Variants in PLCG2 observed in about 807,000 individuals in gnomAD.
PLCG2 encodes phospholipase C gamma 2.
A neutral mutation model predicts 175.6 loss-of-function variants in PLCG2; 69 were observed. The observed-to-expected ratio is 0.39, with a 90% CI of 0.32 to 0.48. The LOEUF is 0.48. PLCG2 is among the 20% of genes least tolerant of loss of function. The pLI, the probability that PLCG2 is intolerant of heterozygous loss-of-function variation, is 0.91. For synonymous variants in PLCG2, 827 were observed against 624.0 expected, an observed-to-expected ratio of 1.33 and a Z score of -4.85; for missense variants, 1,798 against 1,650.9, an observed-to-expected ratio of 1.09 and a Z score of -1.54.
intron 30 of PLCG2, among the ~76,000 whole-genome samples, chr16:81,942,173 C>T (rs988843996): frequency 7.2e-5 from 11 of 152,200 alleles, no homozygotes; most frequent in African/African-American, 1.9e-4. Context: ...TTGGTTACCC[C>T]GACGTCCTCT....
At chr16:81,922,059 C>A (rs1329898416) in intron 21 of PLCG2, among the ~76,000 whole-genome samples, 1 of 152,154 alleles carries the variant, frequency 6.6e-6, no homozygotes, top group African/African-American at 2.4e-5. Context: ...ACTTTTCCTT[C>A]CTGTGGCCTT....
In PLCG2 at chr16:81,938,845, C is replaced by T. The variant is rs770062506; in HGVS notation, c.3243C>T (p.Ala1081=). 1.2e-6 allele frequency: 2 copies of T among 1,613,788 alleles called. No individual in the cohort carries two copies. Among genetic ancestry groups the T allele is most frequent in the South Asian group, 1.1e-5 (1 of 91,010 alleles). ...TCCCCAAACTTGGACGAAGTATTGCCTGTCCCTTTGTAGAAGTGGAGATCT... is the reference window on the plus strand; with the variant it reads ...TCCCCAAACTTGGACGAAGTATTGCTTGTCCCTTTGTAGAAGTGGAGATCT... ...RHLPKLGRSI[A]CPFVEVEICG... is the part of the protein sequence containing the mutation. Residue 1081 remains alanine, a synonymous_variant, in exon 29 of 33, where the codon GCC becomes GCT. Transcript: ENST00000564138.
At chr16:81,869,125 C>T (rs201053730) in intron 5 of PLCG2, 89 bp from the exon 6 acceptor site, 6 of 640,062 alleles carry the variant, frequency 9.4e-6, no homozygotes, top group African/African-American at 2.0e-5. Context: ...TCATAGAGGG[C>T]TGCCTGAGGT....
At chr16:81,752,838 C>T (rs1371506892) in intron 1 of PLCG2, among the ~76,000 whole-genome samples, 1 of 152,236 alleles carries the variant, frequency 6.6e-6, no homozygotes, top group Admixed American at 6.5e-5. Flanking sequence ...GGGGGCAGAG[C>T]TGCCAGCAGG....
rs189052340 is a variant in PLCG2 at position 81,865,010 on chromosome 16, C to T, written c.480-4204C>T. Among the ~76,000 whole-genome samples the T allele has an allele frequency of 5.5e-3, 838 of 152,146 alleles. 2 individuals carry two copies. Among genetic ancestry groups the T allele is most frequent in the Non-Finnish European group, 7.3e-3 (496 of 67,976 alleles). ...ATGATCTGAGACGCAGGTTTGTGTG[C>T]AGGAGGCTTACTAGGGAGTGCAGGG... On this transcript the variant is annotated intron_variant, in intron 5 of 32. Transcript: ENST00000564138.
At chr16:81,937,432 C>A (rs1055696121) in intron 27 of PLCG2, 1 of 202,448 alleles carries the variant, frequency 4.9e-6, no homozygotes, top group African/African-American at 2.3e-5. Flanking sequence ...TGTATCAGAA[C>A]TAAGAGGTTA....
chr16:81,868,455 A>C (rs1437475200), intron 5 of PLCG2, among the ~76,000 whole-genome samples: 3 of 152,164 alleles, frequency 2.0e-5, no homozygotes, highest in African/African-American at 4.8e-5. Flanking sequence ...ACTAGAGTCA[A>C]ATTCAGCTGG....
At chr16:81,824,589 G>A (rs1904964344) in intron 2 of PLCG2, among the ~76,000 whole-genome samples, 2 of 152,214 alleles carry the variant, frequency 1.3e-5, no homozygotes, top group African/African-American at 2.4e-5. Flanking sequence ...TGTTCCTCGT[G>A]TGCCACACTG....
intron 14 of PLCG2, among the ~76,000 whole-genome samples, chr16:81,901,321 G>T (rs1909141856): frequency 6.6e-6 from 1 of 152,168 alleles, no homozygotes; most frequent in South Asian, 2.1e-4. Context: ...CTGTGCCTAG[G>T]GATGCCATGG....
intron 11 of PLCG2, 67 bp downstream of exon 11, chr16:81,891,657 C>G: frequency 2.3e-6 from 2 of 870,386 alleles, no homozygotes. Context: ...GGCAGGGGTC[C>G]GATACGCCGC....
intron 2 of PLCG2, among the ~76,000 whole-genome samples, chr16:81,851,278 CAT>C (rs1208716223): frequency 9.2e-5 from 14 of 152,208 alleles, no homozygotes; most frequent in Non-Finnish European, 2.1e-4. Context: ...CTTTCATAAC[CAT>C]AGTTATCAAA....
At chr16:81,796,143 A>T (rs9940772) in intron 2 of PLCG2, among the ~76,000 whole-genome samples, 13 of 152,092 alleles carry the variant, frequency 8.5e-5, no homozygotes, top group Non-Finnish European at 1.8e-4. Flanking sequence ...GTGGTGAGCC[A>T]CTGGCACTGA....
rs962580647 is a variant in PLCG2, at chr16:81,959,194, G to C, written c.*1196G>C. Reference sequence around the variant, plus strand: ...AGCTGATGGGAAAAGGAGTGTAACTGTGAAAAACGATGGCTGTGGTGGGGA... The same window carrying C: ...AGCTGATGGGAAAAGGAGTGTAACTCTGAAAAACGATGGCTGTGGTGGGGA... On this transcript the variant is annotated 3_prime_UTR_variant, in exon 33 of 33. Transcript: ENST00000564138. 12 of 226,286 alleles carry C rather than the reference G, an allele frequency of 5.3e-5. No individual in the cohort carries two copies. In the Admixed American group the frequency reaches 5.7e-4, roughly 11 times the overall value. The allele number at this position is 226,286 out of a possible 1,614,324, so 14.0% of individuals were successfully genotyped here.
rs1390386594 is a variant in PLCG2, at chr16:81,908,399, C to T, written c.1558-17C>T. 1 of 1,610,340 alleles carries T rather than the reference C, an allele frequency of 6.2e-7. No individual in the cohort carries two copies. Among genetic ancestry groups the T allele is most frequent in the Non-Finnish European group, 8.5e-7 (1 of 1,177,662 alleles). Reference sequence around the variant, plus strand: ...GGTCCAAGGCTTTCAGAAACCCCTCCTCTCTTTGCGGCCCAGGATATACCC... The same window carrying T: ...GGTCCAAGGCTTTCAGAAACCCCTCTTCTCTTTGCGGCCCAGGATATACCC... On this transcript the variant is annotated splice_polypyrimidine_tract_variant and intron_variant, in intron 16 of 32. Transcript: ENST00000564138.
At chr16:81,869,026 G>A (rs1907382501) in intron 5 of PLCG2, among the ~76,000 whole-genome samples, 188 bp from the exon 6 acceptor site, 1 of 152,248 alleles carries the variant, frequency 6.6e-6, no homozygotes, top group Non-Finnish European at 1.5e-5. Flanking sequence ...GACATTGCTT[G>A]AGCCTTGCTC....
chr16:81,912,513 T>G, intron 18 of PLCG2, 84 bp from the exon 19 acceptor site: 1 of 1,515,784 alleles, frequency 6.6e-7, no homozygotes, highest in Non-Finnish European at 8.9e-7. Context: ...GTGTCACTGG[T>G]GCCATTATCT....
At chr16:81,797,216 T>A (rs1911509870) in intron 2 of PLCG2, among the ~76,000 whole-genome samples, 2 of 151,930 alleles carry the variant, frequency 1.3e-5, no homozygotes, top group Admixed American at 6.6e-5. Context: ...AGGTCCAACG[T>A]CTTAGGGATT....
intron 2 of PLCG2, among the ~76,000 whole-genome samples, chr16:81,854,074 G>C (rs929930869): frequency 4.0e-5 from 6 of 150,556 alleles, no homozygotes; most frequent in Non-Finnish European, 8.9e-5. Context: ...GTGATCTCTA[G>C]TGAGCATCAA....
At chr16:81,910,899 C>G (rs1450755098) in intron 18 of PLCG2, among the ~76,000 whole-genome samples, 179 bp downstream of exon 18, 4 of 152,228 alleles carry the variant, frequency 2.6e-5, no homozygotes, top group Non-Finnish European at 5.9e-5. Flanking sequence ...TGACCTGTGT[C>G]CTTTTCTCTT....
Sources: allele counts gnomAD v4.1 joint callset (sites outside exome capture counted in the v4.1 genomes callset), GRCh38; gene constraint gnomAD v4.1.1; transcripts MANE v1.5; gene names NCBI Gene and HGNC (gene_info 2026-07-23, HGNC 2026-07-21).